PRDX4: variants seen among roughly 807,000 people sequenced by gnomAD.
The protein encoded by PRDX4 is peroxiredoxin-4.
PRDX4 carries 12 observed loss-of-function variants against 20.5 expected under a neutral mutation model. That is an observed-to-expected ratio of 0.58 (90% confidence interval 0.37 to 0.95). The LOEUF (loss-of-function observed/expected upper bound fraction) is 0.95. Ranked by LOEUF, PRDX4 falls within the 40% of genes least tolerant of loss-of-function variation. The probability of loss-of-function intolerance (pLI) is 0.01; values close to 1 mark genes in which losing one functional copy is unlikely to be tolerated. For synonymous variants in PRDX4, 99 were observed against 87.5 expected (o/e 1.13, Z -0.73); for missense variants, 180 against 207.3 (o/e 0.87, Z 0.81).
At chrX:23,678,767 T>G (rs1927999950) in intron 3 of PRDX4, among the ~76,000 whole-genome samples, 1 of 111,192 alleles carries the variant, frequency 9.0e-6, no homozygotes. Flanking sequence ...ACACCCCATC[T>G]CTACAAAAAA....
At chrX:23,676,136 C>CAAAAAAAAAAAAAAAAAAAAAAAAAAAAA (rs55792240) in intron 3 of PRDX4, among the ~76,000 whole-genome samples, 1 of 54,999 alleles carries the variant, frequency 1.8e-5, no homozygotes, top group Non-Finnish European at 3.3e-5. Context: ...AACTCCATCT[C>CAAAAAAAAAAAAAAAAAAAAAAAAAAAAA]AAAAAAAAAA....
chrX:23,668,440 TTGATGA>T lies in PRDX4; in HGVS notation c.241+631_241+636del, dbSNP rs1233068695. ...AAAAGGTTAGAAGTATGCATTTGGG[TTGATGA>T]TAAACCTCGTGGCAAATTTGTGTCC... is the stretch of plus-strand genomic sequence containing the variant. On this transcript the variant is annotated intron_variant, in intron 1 of 6. Transcript: ENST00000379341. 4.5e-5 allele frequency among the ~76,000 whole-genome samples: 5 copies of T among 112,285 alleles called. No homozygotes were observed. In the East Asian group the frequency reaches 1.1e-3, roughly 25 times the overall value.
chrX:23,667,659 T>C lies in PRDX4; in HGVS notation c.89T>C (p.Leu30Pro). 8 of 1,208,280 alleles carry C rather than the reference T, an allele frequency of 6.6e-6. No individual in the cohort carries two copies. The highest frequency in any genetic ancestry group is 9.0e-6 in the Non-Finnish European group (8 of 893,796). Residue 30 changes from leucine to proline, a missense_variant, in exon 1 of 7, where the codon CTG (leucine) becomes CCG (proline). Around this residue, in one of 3 missense-constraint regions of PRDX4, gnomAD observed 105 missense variants for 114.2 expected, o/e 0.92. Coordinates refer to ENST00000379341, the MANE Select transcript of PRDX4 (RefSeq NM_006406.2). ...LLLLPLLLFLLPAGAVQGWET... is the reference protein window; with the variant it reads ...LLLLPLLLFLPPAGAVQGWET... ...CTGCTGCCGCTACTGCTGTTCCTGC[T>C]GCCGGCTGGAGCTGTGCAGGGCTGG... is the stretch of plus-strand genomic sequence containing the variant.
intron 6 of PRDX4, among the ~76,000 whole-genome samples, chrX:23,684,261 G>GA (rs767845725): frequency 6.4e-4 from 67 of 104,878 alleles, no homozygotes; most frequent in African/African-American, 1.9e-3. Context: ...TACACCGTTC[G>GA]AAAAAAAAAA....
At chrX:23,683,525 C>T in intron 5 of PRDX4, 146 bp from the exon 6 acceptor site, 1 of 468,706 alleles carries the variant, frequency 2.1e-6, no homozygotes, top group Non-Finnish European at 3.6e-6. Context: ...CAACAGGCAG[C>T]TAATAGAAGT....
At chrX:23,682,756 G>C (rs1337843538) in intron 5 of PRDX4, among the ~76,000 whole-genome samples, 1 of 93,319 alleles carries the variant, frequency 1.1e-5, no homozygotes, top group Non-Finnish European at 2.1e-5. Flanking sequence ...CAAGGTAGGA[G>C]GATTGCTTGA....
At chrX:23,677,969 G>A (rs1927981330) in intron 3 of PRDX4, among the ~76,000 whole-genome samples, 2 of 112,408 alleles carry the variant, frequency 1.8e-5, no homozygotes, top group Non-Finnish European at 3.8e-5. Context: ...AATTTATGAT[G>A]TGTTTATCAA....
rs55792240 is a variant in PRDX4 at position 23,676,136 on chromosome X, C to CAAAAAAAAAAAA, written c.476+1050_476+1061dup. On this transcript the variant is annotated intron_variant, in intron 3 of 6. Coordinates refer to ENST00000379341, the MANE Select transcript of PRDX4 (RefSeq NM_006406.2). Reference sequence around the variant, plus strand: ...GGGCAATGAGAGTGAAACTCCATCTCAAAAAAAAAAAAAAAAAAAAAAAAA... The same window carrying CAAAAAAAAAAAA: ...GGGCAATGAGAGTGAAACTCCATCTCAAAAAAAAAAAAAAAAAAAAAAAAAAAAAAAAAAAAA... Among the ~76,000 whole-genome samples the CAAAAAAAAAAAA allele has an allele frequency of 1.2e-3, 68 of 54,981 alleles. 1 individual carries two copies. Among genetic ancestry groups the CAAAAAAAAAAAA allele is most frequent in the Non-Finnish European group, 1.8e-3 (55 of 30,553 alleles). The allele number at this position is 54,981 out of a possible 115,157, so 47.7% of individuals were successfully genotyped here.
chrX:23,686,134 G>T, intron 6 of PRDX4, 151 bp from the exon 7 acceptor site: 1 of 470,888 alleles, frequency 2.1e-6, no homozygotes, highest in Non-Finnish European at 3.8e-6. Context: ...GCCGAAATTA[G>T]TAGGCAGGAC....
chrX:23,679,335 A>G lies in PRDX4; in HGVS notation c.599+48A>G, dbSNP rs1352124947. 3.6e-6 allele frequency: 4 copies of G among 1,105,737 alleles called. No individual in the cohort carries two copies. The African/African-American group carries it at 5.6e-5, about 15-fold the overall frequency. The allele number at this position is 1,105,737 out of a possible 1,213,427, so 91.1% of individuals were successfully genotyped here. ...TATGACAAATCCAAGCGTGTTTATA[A>G]TCCTCCTTGAAATAGATGTTATTTA... On this transcript the variant is annotated intron_variant, in intron 4 of 6. Transcript: ENST00000379341.
intron 4 of PRDX4, 47 bp downstream of exon 4, chrX:23,679,334 A>G: frequency 9.0e-7 from 1 of 1,117,028 alleles, no homozygotes; most frequent in Non-Finnish European, 1.2e-6. Flanking sequence ...GCGTGTTTAT[A>G]ATCCTCCTTG....
chrX:23,671,364 C>T, intron 1 of PRDX4, 165 bp from the exon 2 acceptor site: 3 of 363,401 alleles, frequency 8.3e-6, no homozygotes, highest in Non-Finnish European at 1.4e-5. Flanking sequence ...TATGTATTTT[C>T]CTTTTTGCAT....
intron 3 of PRDX4, among the ~76,000 whole-genome samples, chrX:23,678,908 C>T (rs1043557022): frequency 2.7e-5 from 3 of 111,530 alleles, no homozygotes; most frequent in African/African-American, 9.8e-5. Context: ...CACTGCCCTG[C>T]AGCCTGGGAG....
At chrX:23,680,176 C>T (rs374576418) in intron 4 of PRDX4, among the ~76,000 whole-genome samples, 5 of 111,733 alleles carry the variant, frequency 4.5e-5, no homozygotes, top group East Asian at 5.6e-4. Context: ...CATAGAGTTC[C>T]GTGATCTTAG....
intron 1 of PRDX4, among the ~76,000 whole-genome samples, chrX:23,669,917 CA>C (rs72444639): frequency 0.39 from 34,302 of 88,746 alleles, 4,983 homozygotes; most frequent in African/African-American, 0.47. Flanking sequence ...ACTCTTGTCT[CA>C]AAAAAAAAAA....
intron 1 of PRDX4, among the ~76,000 whole-genome samples, chrX:23,669,655 G>A (rs774738882): frequency 1.2e-3 from 135 of 111,741 alleles, no homozygotes; most frequent in African/African-American, 3.1e-3. Flanking sequence ...GGTGGCTCAC[G>A]TCTATAATTT....
intron 2 of PRDX4, among the ~76,000 whole-genome samples, chrX:23,674,249 CAT>C (rs774740379): frequency 6.3e-5 from 7 of 111,923 alleles, no homozygotes; most frequent in South Asian, 3.7e-4. Flanking sequence ...TGAAGACAAA[CAT>C]ATATATTTGT....
chrX:23,674,861 G>A lies in PRDX4; in HGVS notation c.360-129G>A, dbSNP rs1247686647. 4.4e-6 allele frequency: 4 copies of A among 903,788 alleles called. No homozygotes were observed. The African/African-American group carries it at 8.1e-5, about 18-fold the overall frequency. The allele number at this position is 903,788 out of a possible 1,213,427, so 74.5% of individuals were successfully genotyped here. ...CTTTTAGACTACTCCATTTTGAAAA[G>A]GTTCAAATATAAAATTGTTCTTAAT... On this transcript the variant is annotated intron_variant, in intron 2 of 6. Transcript: ENST00000379341.
At chrX:23,668,437 G>T (rs933073030) in intron 1 of PRDX4, among the ~76,000 whole-genome samples, 2 of 112,155 alleles carry the variant, frequency 1.8e-5, no homozygotes, top group Non-Finnish European at 3.8e-5. Flanking sequence ...GTATGCATTT[G>T]GGTTGATGAT....
Sources: allele counts gnomAD v4.1 joint callset (sites outside exome capture counted in the v4.1 genomes callset), GRCh38; gene constraint gnomAD v4.1.1; regional missense constraint gnomAD v4.1.1; transcripts MANE v1.5; gene names NCBI Gene and HGNC (gene_info 2026-07-23, HGNC 2026-07-21).